Variants in PITPNA observed in about 807,000 individuals in gnomAD.
PITPNA encodes phosphatidylinositol transfer protein alpha, also known as phosphatidylinositol transfer protein alpha isoform.
A neutral mutation model predicts 50.3 loss-of-function variants in PITPNA; 13 were observed. The observed-to-expected ratio is 0.26, with a 90% CI of 0.17 to 0.41. The LOEUF (loss-of-function observed/expected upper bound fraction) is 0.41. PITPNA is among the 10% of genes least tolerant of loss of function. PITPNA has a pLI of 1.00. For synonymous variants in PITPNA, 120 were observed against 119.6 expected, an observed-to-expected ratio of 1.00 and a Z score of -0.02; for missense variants, 207 against 333.4, an observed-to-expected ratio of 0.62 and a Z score of 2.95.
At chr17:1,531,336 C>T (rs1322004793) in intron 10 of PITPNA, among the ~76,000 whole-genome samples, 2 of 151,936 alleles carry the variant, frequency 1.3e-5, no homozygotes, top group African/African-American at 2.4e-5. Flanking sequence ...TTCCCGCCCC[C>T]GAATGTAACT....
chr17:1,535,912 C>G (rs2075613106), intron 7 of PITPNA: 1 of 201,160 alleles, frequency 5.0e-6, no homozygotes, highest in Admixed American at 5.5e-5. Context: ...CAGGTGACGG[C>G]AGCACAGATT....
At chr17:1,532,377 G>A (rs988990300) in intron 10 of PITPNA, among the ~76,000 whole-genome samples, 7 of 151,992 alleles carry the variant, frequency 4.6e-5, no homozygotes, top group East Asian at 1.9e-4. Flanking sequence ...GTGAGCCACC[G>A]TGCCTGGCCG....
chr17:1,536,916 T>TC (rs59545637), intron 7 of PITPNA, among the ~76,000 whole-genome samples: 2 of 140,500 alleles, frequency 1.4e-5, no homozygotes, highest in African/African-American at 2.7e-5. Context: ...TTTTTTTTTT[T>TC]CAGATAGAGT....
intron 10 of PITPNA, among the ~76,000 whole-genome samples, chr17:1,524,120 C>T (rs1206432232): frequency 6.8e-6 from 1 of 147,294 alleles, no homozygotes; most frequent in African/African-American, 2.5e-5. Flanking sequence ...TCTTGGCTCA[C>T]TGCAAGCTCT....
chr17:1,536,994 G>C (rs2075622131), intron 7 of PITPNA, among the ~76,000 whole-genome samples: 1 of 149,836 alleles, frequency 6.7e-6, no homozygotes. Context: ...CGCCTCCTGA[G>C]TTCCAGTGAT....
rs114204512 is a variant in PITPNA, at chr17:1,538,785, T to C, written c.456+84A>G. ...CATCAGAATTTCCTTTTGTGCCAAG[T>C]TGGGTATGGTTTCCTGGTTTCTTTA... On this transcript the variant is annotated intron_variant, in intron 7 of 11. Coordinates refer to ENST00000313486, the MANE Select transcript of PITPNA (RefSeq NM_006224.4). 4.7e-4 allele frequency: 360 copies of C among 767,324 alleles called. 2 individuals are homozygous for C. In the African/African-American group the frequency reaches 5.7e-3, roughly 12 times the overall value. The allele number at this position is 767,324 out of a possible 1,614,324, so 47.5% of individuals were successfully genotyped here.
intron 2 of PITPNA, among the ~76,000 whole-genome samples, chr17:1,556,865 G>A (rs1173813225): frequency 6.6e-6 from 1 of 152,166 alleles, no homozygotes; most frequent in Non-Finnish European, 1.5e-5. Flanking sequence ...CACTCTGGGA[G>A]GCTGAGGCAG....
At chr17:1,544,896 G>A (rs2075665228) in intron 4 of PITPNA, among the ~76,000 whole-genome samples, 1 of 152,216 alleles carries the variant, frequency 6.6e-6, no homozygotes, top group African/African-American at 2.4e-5. Context: ...GGGAGGCTGA[G>A]GCAGGAGAAT....
At chr17:1,555,978 C>A (rs1476195600) in intron 2 of PITPNA, among the ~76,000 whole-genome samples, 1 of 152,202 alleles carries the variant, frequency 6.6e-6, no homozygotes, top group Non-Finnish European at 1.5e-5. Flanking sequence ...CTTCTCTTTC[C>A]CTTTCTTCAC....
rs774499211 is a variant in PITPNA at position 1,535,452 on chromosome 17, G to A, written c.523C>T (p.Pro175Ser). ...GGTGTGAATGGTACCTTCCAATTGGGGCCCAAGGGTCCTCGGCCTGTTTTG... is the reference window on the plus strand; with the variant it reads ...GGTGTGAATGGTACCTTCCAATTGGAGCCCAAGGGTCCTCGGCCTGTTTTG... ...SIKTGRGPLG[P>S]NWKQELVNQK... The change falls in exon 8 of 12, where the codon CCC (proline) becomes TCC (serine). Residue 175 changes from proline to serine, a missense_variant. Pro to Ser is a moderately conservative substitution (Grantham distance 74, BLOSUM62 -1). Coordinates refer to ENST00000313486, the MANE Select transcript of PITPNA (RefSeq NM_006224.4). 5 of 1,612,754 alleles carry A rather than the reference G, an allele frequency of 3.1e-6. No individual in the cohort carries two copies.
intron 9 of PITPNA, among the ~76,000 whole-genome samples, chr17:1,534,903 G>C (rs1451124886): frequency 1.3e-5 from 2 of 152,236 alleles, no homozygotes; most frequent in African/African-American, 2.4e-5. Flanking sequence ...AAACTGTGAG[G>C]TATGCTCATG....
intron 4 of PITPNA, among the ~76,000 whole-genome samples, chr17:1,546,577 C>T (rs1277677119): frequency 2.0e-5 from 3 of 152,174 alleles, no homozygotes; most frequent in Non-Finnish European, 4.4e-5. Context: ...TCAGCAGAGG[C>T]TGGTGGGAGG....
intron 10 of PITPNA, among the ~76,000 whole-genome samples, chr17:1,528,908 C>A (rs1349787421): frequency 6.6e-6 from 1 of 151,782 alleles, no homozygotes; most frequent in East Asian, 1.9e-4. Flanking sequence ...GAGGCCGAGG[C>A]AGGCGGATCA....
At chr17:1,538,793 G>T in intron 7 of PITPNA, 76 bp downstream of exon 7, 1 of 846,520 alleles carries the variant, frequency 1.2e-6, no homozygotes. Context: ...AGTTGGGTAT[G>T]GTTTCCTGGT....
rs2075514623 is a variant in PITPNA at position 1,521,795 on chromosome 17, C to T, written c.769-150G>A. ...AAGAATTCTGCATATGGACTCGAAG[C>T]CATACATTTCCAGATCTGTGTCACT... On this transcript the variant is annotated intron_variant, in intron 10 of 11. Transcript: ENST00000313486. The T allele has an allele frequency of 7.5e-6, 5 of 670,650 alleles. No individual in the cohort carries two copies. In the South Asian group the frequency reaches 8.2e-5, roughly 11 times the overall value. The allele number at this position is 670,650 out of a possible 1,614,324, so 41.5% of individuals were successfully genotyped here.
At position 1,517,995 on chromosome 17, in the gene PITPNA, C is replaced by T. The variant is rs1305765577; in HGVS notation, c.*2566G>A. On this transcript the variant is annotated 3_prime_UTR_variant, in exon 12 of 12. Coordinates refer to ENST00000313486, the MANE Select transcript of PITPNA (RefSeq NM_006224.4). Reference sequence around the variant, plus strand: ...CAAACTGGACTCCAGAAAGTTCTGTCTAGGATTTTATTAGACTGCTTTTTT... The same window carrying T: ...CAAACTGGACTCCAGAAAGTTCTGTTTAGGATTTTATTAGACTGCTTTTTT... The T allele has an allele frequency of 6.6e-6, 1 of 152,576 alleles. No individual in the cohort carries two copies. The highest frequency in any genetic ancestry group is 2.1e-4 in the South Asian group (1 of 4,828). The allele number at this position is 152,576 out of a possible 1,614,324, so 9.5% of individuals were successfully genotyped here.
intron 10 of PITPNA, among the ~76,000 whole-genome samples, chr17:1,526,842 G>A (rs1324082542): frequency 6.6e-6 from 1 of 152,198 alleles, no homozygotes; most frequent in Non-Finnish European, 1.5e-5. Flanking sequence ...TTGGCTCACT[G>A]CAACCTCTGC....
intron 5 of PITPNA, 119 bp from the exon 6 acceptor site, chr17:1,541,759 C>T (rs1387598088): frequency 2.7e-6 from 2 of 739,044 alleles, no homozygotes; most frequent in Non-Finnish European, 4.9e-6. Flanking sequence ...CCAGCCTCTG[C>T]CTTGTAATAA....
intron 3 of PITPNA, among the ~76,000 whole-genome samples, chr17:1,551,110 T>C (rs1390765812): frequency 6.7e-6 from 1 of 149,120 alleles, no homozygotes; most frequent in African/African-American, 2.5e-5. Context: ...CGAGTGAGAG[T>C]GTTGCGGGGC....
Sources: gnomAD v4.1 joint callset for allele counts (sites outside exome capture counted in the v4.1 genomes callset) on GRCh38, gnomAD v4.1.1 for gene constraint, MANE v1.5 for transcripts, NCBI Gene and HGNC (gene_info 2026-07-23, HGNC 2026-07-21) for gene names.